Variants in ADAMTSL1 observed in about 807,000 individuals in gnomAD.
ADAMTSL1 encodes the protein ADAMTS-like protein 1.
In ADAMTSL1, 126 loss-of-function variants were observed where a neutral mutation model predicts 201.8. That is an observed-to-expected ratio of 0.62 (90% CI 0.54 to 0.72). The LOEUF (loss-of-function observed/expected upper bound fraction) is 0.72, where lower values mean the gene tolerates loss of function less well. Ranked by LOEUF, ADAMTSL1 falls within the 30% of genes least tolerant of loss-of-function variation. The pLI, the probability that ADAMTSL1 is intolerant of heterozygous loss-of-function variation, is 0.00. For missense variants in ADAMTSL1, 2,679 were observed against 2,277.8 expected, an observed-to-expected ratio of 1.18 and a Z score of -3.59; for synonymous variants, 1,121 against 903.4, an observed-to-expected ratio of 1.24 and a Z score of -4.32.
Position 18,060,469 on chromosome 9 carries a change from T to C in ADAMTSL1, c.88-103393T>C, listed in dbSNP as rs1320981293. Among the ~76,000 whole-genome samples the C allele has an allele frequency of 2.0e-5, 3 of 152,296 alleles. No homozygotes were observed. In the East Asian group the frequency reaches 5.8e-4, roughly 29 times the overall value. ...TGTCCACTGAGGGTCAGAGTCTGTA[T>C]GATTATCCTTCCAGCTTCAGCTTCT... On this transcript the variant is annotated intron_variant, in intron 1 of 29. Transcript: ENST00000680146.
At chr9:18,304,650 T>C (rs536761469) in intron 2 of ADAMTSL1, among the ~76,000 whole-genome samples, 187 of 130,002 alleles carry the variant, frequency 1.4e-3, no homozygotes, top group African/African-American at 6.6e-3. Flanking sequence ...GGCCTAAACT[T>C]TTTTTTTTTT....
chr9:18,050,164 T>C (rs1233175113), intron 1 of ADAMTSL1, among the ~76,000 whole-genome samples: 1 of 152,226 alleles, frequency 6.6e-6, no homozygotes, highest in Non-Finnish European at 1.5e-5. Context: ...AGTCTCATTA[T>C]ATAGAAGACA....
chr9:18,235,304 G>A (rs1830805164), intron 2 of ADAMTSL1, among the ~76,000 whole-genome samples: 2 of 152,278 alleles, frequency 1.3e-5, no homozygotes, highest in East Asian at 3.9e-4. Context: ...TGGTGTTACG[G>A]GTTCTTGGGA....
At chr9:18,237,597 T>C (rs1457533196) in intron 2 of ADAMTSL1, among the ~76,000 whole-genome samples, 2 of 152,236 alleles carry the variant, frequency 1.3e-5, no homozygotes, top group Non-Finnish European at 2.9e-5. Context: ...AAACCAATAC[T>C]GACTGCCTCT....
intron 1 of ADAMTSL1, among the ~76,000 whole-genome samples, chr9:17,954,473 T>C (rs1827851783): frequency 6.6e-6 from 1 of 152,326 alleles, no homozygotes; most frequent in East Asian, 1.9e-4. Flanking sequence ...TTCTATTTCA[T>C]TGCATATTTT....
chr9:18,295,229 C>G, intron 2 of ADAMTSL1, among the ~76,000 whole-genome samples: 1 of 152,110 alleles, frequency 6.6e-6, no homozygotes, highest in East Asian at 1.9e-4. Flanking sequence ...AAATCATTAG[C>G]TTTACCGAGA....
intron 1 of ADAMTSL1, among the ~76,000 whole-genome samples, chr9:18,141,065 T>A (rs1406508732): frequency 2.0e-5 from 3 of 152,194 alleles, no homozygotes; most frequent in Non-Finnish European, 4.4e-5. Flanking sequence ...AATGATAGTT[T>A]ACTTGGAAAT....
intron 4 of ADAMTSL1, among the ~76,000 whole-genome samples, chr9:18,593,875 G>C (rs1015612953): frequency 6.6e-6 from 1 of 151,992 alleles, no homozygotes; most frequent in African/African-American, 2.4e-5. Context: ...GAAATTATGT[G>C]TATTCTGCAG....
At chr9:17,994,040 T>G (rs887214470) in intron 1 of ADAMTSL1, among the ~76,000 whole-genome samples, 1 of 151,842 alleles carries the variant, frequency 6.6e-6, no homozygotes, top group Admixed American at 6.6e-5. Flanking sequence ...ATACAGATTG[T>G]GCTTCCCCTC....
intron 1 of ADAMTSL1, among the ~76,000 whole-genome samples, chr9:17,928,495 A>G (rs1826645125): frequency 6.6e-6 from 1 of 152,202 alleles, no homozygotes; most frequent in Non-Finnish European, 1.5e-5. Flanking sequence ...AACAGAGCCA[A>G]GGAGGATTCT....
intron 1 of ADAMTSL1, 107 bp from the exon 2 acceptor site, chr9:18,504,722 T>C (rs1375402558): frequency 2.9e-5 from 44 of 1,508,382 alleles, no homozygotes; most frequent in Non-Finnish European, 3.7e-5. Flanking sequence ...TTTTCATTCC[T>C]AGCAAAGCCA....
intron 2 of ADAMTSL1, among the ~76,000 whole-genome samples, chr9:18,256,898 C>G (rs1831710084): frequency 1.3e-5 from 2 of 152,260 alleles, no homozygotes; most frequent in South Asian, 4.1e-4. Context: ...GTTTTAAACC[C>G]CCACTGACTT....
intron 1 of ADAMTSL1, among the ~76,000 whole-genome samples, chr9:18,143,891 C>A (rs1344348580): frequency 1.3e-5 from 2 of 152,084 alleles, no homozygotes; most frequent in Non-Finnish European, 2.9e-5. Context: ...ATTGAGGGAA[C>A]AATTAATTTT....
chr9:18,592,133 C>T (rs988826455), intron 4 of ADAMTSL1, among the ~76,000 whole-genome samples: 1 of 152,130 alleles, frequency 6.6e-6, no homozygotes, highest in Non-Finnish European at 1.5e-5. Flanking sequence ...ATTCAGAAAG[C>T]TGTAGTGGAT....
chr9:18,699,614 G>C (rs1831804417), intron 13 of ADAMTSL1, among the ~76,000 whole-genome samples: 2 of 152,154 alleles, frequency 1.3e-5, no homozygotes, highest in Non-Finnish European at 2.9e-5. Flanking sequence ...ACAAGTGTGA[G>C]CCATAGTGCC....
intron 3 of ADAMTSL1, among the ~76,000 whole-genome samples, chr9:18,564,830 G>A (rs1821773219): frequency 6.6e-6 from 1 of 152,018 alleles, no homozygotes; most frequent in Non-Finnish European, 1.5e-5. Context: ...CAAAGAAAGG[G>A]ACTAAAAATA....
At chr9:18,292,767 T>G (rs1833325111) in intron 2 of ADAMTSL1, among the ~76,000 whole-genome samples, 1 of 152,202 alleles carries the variant, frequency 6.6e-6, no homozygotes, top group Non-Finnish European at 1.5e-5. Context: ...GGCCACAGAT[T>G]GAAGGCTGAA....
At chr9:18,560,684 A>T (rs1410484500) in intron 3 of ADAMTSL1, among the ~76,000 whole-genome samples, 1 of 150,830 alleles carries the variant, frequency 6.6e-6, no homozygotes, top group East Asian at 1.9e-4. Flanking sequence ...TTAATTTCAG[A>T]ACTTGTTATT....
chr9:17,942,057 A>G lies in ADAMTSL1; in HGVS notation c.87+35135A>G, dbSNP rs1827259131. On this transcript the variant is annotated intron_variant, in intron 1 of 29. Coordinates refer to the ADAMTSL1 transcript ENST00000680146. ...AAGCGTTCATTATATAGCTGCTGCCATACAAATATTATATGATTCCATTCA... is the reference window on the plus strand; with the variant it reads ...AAGCGTTCATTATATAGCTGCTGCCGTACAAATATTATATGATTCCATTCA... 2.0e-5 allele frequency among the ~76,000 whole-genome samples: 3 copies of G among 152,174 alleles called. No homozygotes were observed. In the South Asian group the frequency reaches 6.2e-4, roughly 31 times the overall value.
Sources: gnomAD v4.1 joint callset for allele counts (sites outside exome capture counted in the v4.1 genomes callset) on GRCh38, gnomAD v4.1.1 for gene constraint, MANE v1.5 for transcripts, NCBI Gene and HGNC (gene_info 2026-07-23, HGNC 2026-07-21) for gene names.